CNBD1: variants seen among roughly 807,000 people sequenced by gnomAD.
The protein encoded by CNBD1 is cyclic nucleotide binding domain containing 1.
A neutral mutation model predicts 54.4 loss-of-function variants in CNBD1; 71 were observed. The ratio of observed to expected loss-of-function variants is 1.30; its 90% CI spans 1.08 to 1.59. The LOEUF is 1.59. Among genes scored for constraint, CNBD1 ranks in the 40% most tolerant of loss-of-function variants. The probability of loss-of-function intolerance (pLI) is 0.00; values close to 1 mark genes in which losing one functional copy is unlikely to be tolerated. For missense variants in CNBD1, 659 were observed against 518.0 expected (o/e 1.27, Z -2.64); for synonymous variants, 182 against 170.7 (o/e 1.07, Z -0.51).
chr8:87,393,748 CT>C (rs1490428192), intron 2 of CNBD1, among the ~76,000 whole-genome samples: 1 of 151,812 alleles, frequency 6.6e-6, no homozygotes, highest in African/African-American at 2.4e-5. Context: ...GAAAACCACC[CT>C]GAACAGGCAC....
intron 4 of CNBD1, among the ~76,000 whole-genome samples, chr8:87,022,397 T>A (rs909617060): frequency 3.4e-4 from 52 of 152,280 alleles, no homozygotes; most frequent in African/African-American, 1.2e-3. Flanking sequence ...TTATCAGGAC[T>A]CCACATGAAA....
At chr8:86,896,291 T>C (rs1808847153) in intron 2 of CNBD1, among the ~76,000 whole-genome samples, 2 of 152,136 alleles carry the variant, frequency 1.3e-5, no homozygotes, top group Non-Finnish European at 2.9e-5. Flanking sequence ...GTACATGTGA[T>C]ACCCCCAATC....
intron 4 of CNBD1, among the ~76,000 whole-genome samples, chr8:87,119,547 C>T (rs1165090780): frequency 6.6e-6 from 1 of 152,004 alleles, no homozygotes; most frequent in Non-Finnish European, 1.5e-5. Context: ...TTGATGTCCT[C>T]TTCTCCAAAT....
chr8:87,374,632 G>C (rs186360483), intron 10 of CNBD1, among the ~76,000 whole-genome samples: 1 of 151,856 alleles, frequency 6.6e-6, no homozygotes, highest in East Asian at 1.9e-4. Flanking sequence ...CAGTTAGGTT[G>C]GAGCCATGTA....
At chr8:87,200,746 G>C (rs1813842545) in intron 4 of CNBD1, among the ~76,000 whole-genome samples, 1 of 152,048 alleles carries the variant, frequency 6.6e-6, no homozygotes, top group African/African-American at 2.4e-5. Context: ...CTATAACAAA[G>C]ATTAAATTGC....
At chr8:87,426,638 T>A (rs1389197431) in intron 2 of CNBD1, among the ~76,000 whole-genome samples, 1 of 152,208 alleles carries the variant, frequency 6.6e-6, no homozygotes, top group African/African-American at 2.4e-5. Flanking sequence ...TCCTGAGACA[T>A]CAATTTCTCA....
chr8:87,056,771 ATTT>A (rs752673142), intron 4 of CNBD1, among the ~76,000 whole-genome samples: 1 of 151,550 alleles, frequency 6.6e-6, no homozygotes, highest in Non-Finnish European at 1.5e-5. Flanking sequence ...TAGAGGTAGA[ATTT>A]TTTTTTACCA....
intron 4 of CNBD1, among the ~76,000 whole-genome samples, chr8:86,954,559 C>T (rs866924154): frequency 1.2e-4 from 14 of 121,554 alleles, no homozygotes; most frequent in South Asian, 6.4e-4. Context: ...ATCCTCTGAA[C>T]GAGATGAAAA....
intron 4 of CNBD1, among the ~76,000 whole-genome samples, chr8:87,198,000 C>G (rs189099276): frequency 2.0e-5 from 3 of 152,218 alleles, no homozygotes; most frequent in Admixed American, 2.0e-4. Context: ...GAGTGAAAAC[C>G]TCTGTGAAAC....
intron 8 of CNBD1, among the ~76,000 whole-genome samples, chr8:87,291,123 C>T (rs770174124): frequency 2.6e-5 from 4 of 152,160 alleles, no homozygotes; most frequent in Non-Finnish European, 5.9e-5. Flanking sequence ...AGGTAAAATG[C>T]AAAATCTTTA....
intron 2 of CNBD1, among the ~76,000 whole-genome samples, chr8:87,422,342 C>G (rs1272206857): frequency 0.01 from 1,511 of 147,328 alleles, 29 homozygotes; most frequent in African/African-American, 0.035. Flanking sequence ...GACATGAAGT[C>G]CTTGCCCGTG....
At chr8:87,051,802 C>A (rs149280906) in intron 4 of CNBD1, among the ~76,000 whole-genome samples, 1 of 152,178 alleles carries the variant, frequency 6.6e-6, no homozygotes, top group Non-Finnish European at 1.5e-5. Context: ...ATGGCCATCA[C>A]GAACATGTCA....
chr8:87,195,246 T>C (rs1813693541), intron 4 of CNBD1, among the ~76,000 whole-genome samples: 1 of 118,448 alleles, frequency 8.4e-6, no homozygotes, highest in Admixed American at 9.9e-5. Flanking sequence ...TTTTTTTTTC[T>C]GAGATGGAGT....
In CNBD1 at chr8:87,243,708, C is replaced by T. The variant is rs1455442664; in HGVS notation, c.771+6596C>T. Reference sequence around the variant, plus strand: ...AACGGCAACTAGAAAAATAAGTTTTCAATTTAAGAAACACATCTAAATTAT... The same window carrying T: ...AACGGCAACTAGAAAAATAAGTTTTTAATTTAAGAAACACATCTAAATTAT... On this transcript the variant is annotated intron_variant, in intron 6 of 10. Transcript: ENST00000518476. Among the ~76,000 whole-genome samples, 4 of 152,054 alleles carry T rather than the reference C, an allele frequency of 2.6e-5. No individual in the cohort carries two copies. In the East Asian group the frequency reaches 7.7e-4, roughly 29 times the overall value.
intron 6 of CNBD1, among the ~76,000 whole-genome samples, chr8:87,282,371 C>T (rs1563536946): frequency 6.6e-6 from 1 of 151,438 alleles, no homozygotes; most frequent in Non-Finnish European, 1.5e-5. Context: ...TAATTATTTG[C>T]CCTCCATTTT....
At chr8:86,940,308 AG>A (rs1486152329) in intron 4 of CNBD1, among the ~76,000 whole-genome samples, 1 of 151,788 alleles carries the variant, frequency 6.6e-6, no homozygotes, top group East Asian at 1.9e-4. Flanking sequence ...CTGGGATTAC[AG>A]GCACCTGCCA....
intron 8 of CNBD1, among the ~76,000 whole-genome samples, chr8:87,351,432 T>A (rs1378673902): frequency 1.3e-5 from 2 of 152,216 alleles, no homozygotes; most frequent in South Asian, 2.1e-4. Flanking sequence ...TTGTACAGTA[T>A]ACTAGCATAT....
intron 6 of CNBD1, among the ~76,000 whole-genome samples, chr8:87,240,712 TGGG>T: frequency 6.6e-6 from 1 of 152,138 alleles, no homozygotes; most frequent in South Asian, 2.1e-4. Flanking sequence ...GGAAGGAGGC[TGGG>T]AATTAAAGGC....
chr8:87,388,631 T>G (rs918409922), intron 2 of CNBD1, among the ~76,000 whole-genome samples: 7 of 151,938 alleles, frequency 4.6e-5, no homozygotes, highest in Non-Finnish European at 1.0e-4. Flanking sequence ...CCAAAAAAAG[T>G]CCAGGGCCAG....
Sources: allele counts gnomAD v4.1 joint callset (sites outside exome capture counted in the v4.1 genomes callset), GRCh38; gene constraint gnomAD v4.1.1; transcripts MANE v1.5; gene names NCBI Gene and HGNC (gene_info 2026-07-23, HGNC 2026-07-21).